PDGFRL: variants seen among roughly 807,000 people sequenced by gnomAD.
PDGFRL encodes the protein platelet derived growth factor receptor like, also known as platelet-derived growth factor receptor-like protein.
PDGFRL carries 46 observed loss-of-function variants against 37.2 expected under a neutral mutation model. The observed-to-expected ratio is 1.24, with a 90% CI of 0.98 to 1.58. PDGFRL has a LOEUF of 1.58. PDGFRL is among the 40% of genes most tolerant of loss of function. The pLI is 0.00. For synonymous variants in PDGFRL, 251 were observed against 184.3 expected (o/e 1.36, Z -2.93); for missense variants, 692 against 467.6 (o/e 1.48, Z -4.43).
At chr8:17,619,181 C>T (rs1411945366) in intron 2 of PDGFRL, among the ~76,000 whole-genome samples, 2 of 152,096 alleles carry the variant, frequency 1.3e-5, no homozygotes, top group African/African-American at 2.4e-5. Context: ...CTCAGAAGAG[C>T]GAAGCATTTG....
intron 2 of PDGFRL, among the ~76,000 whole-genome samples, chr8:17,617,363 C>T (rs1246643352): frequency 6.6e-6 from 1 of 152,182 alleles, no homozygotes; most frequent in South Asian, 2.1e-4. Context: ...TCCACTTAAA[C>T]TCCCCATTCG....
intron 4 of PDGFRL, 134 bp downstream of exon 4, chr8:17,628,914 T>G (rs1804797289): frequency 8.0e-6 from 5 of 627,828 alleles, no homozygotes; most frequent in Non-Finnish European, 2.8e-6. Context: ...GTTGTTGTTG[T>G]TTTTTTTTCT....
In PDGFRL at chr8:17,589,381, G is replaced by C. The variant is rs550251223; in HGVS notation, c.56-87G>C. ...AACCTGGGCAATAGAGTAAGAATCT[G>C]TCTCAAAAAAAAAAAAAAGTTATTG... On this transcript the variant is annotated intron_variant, in intron 1 of 5. Transcript: ENST00000251630. 54 of 845,766 alleles carry C rather than the reference G, an allele frequency of 6.4e-5. No individual in the cohort carries two copies. In the Admixed American group the frequency reaches 1.6e-3, roughly 25 times the overall value. 52.4% of individuals were successfully genotyped at this position (845,766 alleles called of 1,614,324 possible).
intron 2 of PDGFRL, among the ~76,000 whole-genome samples, chr8:17,604,469 G>A (rs998576166): frequency 3.3e-5 from 5 of 152,024 alleles, no homozygotes; most frequent in African/African-American, 1.2e-4. Flanking sequence ...ATCATTCTCA[G>A]CAAACTGTCG....
chr8:17,617,605 C>T (rs1289258162), intron 2 of PDGFRL, among the ~76,000 whole-genome samples: 1 of 152,192 alleles, frequency 6.6e-6, no homozygotes, highest in East Asian at 1.9e-4. Context: ...AATCCAGGCC[C>T]TGAAACTGTA....
chr8:17,577,388 A>G (rs1288735882), intron 1 of PDGFRL, 81 bp downstream of exon 1: 11 of 1,225,258 alleles, frequency 9.0e-6, no homozygotes, highest in South Asian at 5.1e-5. Flanking sequence ...CCCTCCTGCC[A>G]GCTCTTGGTC....
chr8:17,592,105 T>C (rs1159581773), intron 2 of PDGFRL, among the ~76,000 whole-genome samples: 1 of 152,160 alleles, frequency 6.6e-6, no homozygotes, highest in Non-Finnish European at 1.5e-5. Flanking sequence ...CCCCACACTC[T>C]CCACATCCCA....
intron 2 of PDGFRL, 73 bp downstream of exon 2, chr8:17,589,838 A>G: frequency 1.1e-6 from 1 of 874,004 alleles, no homozygotes; most frequent in East Asian, 2.4e-5. Context: ...CTTAACTATT[A>G]TTACACATTG....
At chr8:17,591,186 C>T (rs1410101493) in intron 2 of PDGFRL, among the ~76,000 whole-genome samples, 1 of 152,082 alleles carries the variant, frequency 6.6e-6, no homozygotes, top group Non-Finnish European at 1.5e-5. Flanking sequence ...CTGGCTGCTT[C>T]TGATTATTTT....
intron 3 of PDGFRL, among the ~76,000 whole-genome samples, chr8:17,621,867 C>G (rs1256047483): frequency 6.6e-6 from 1 of 152,112 alleles, no homozygotes; most frequent in East Asian, 1.9e-4. Flanking sequence ...GAAGTGAGGT[C>G]TCACTGTGTT....
chr8:17,584,560 C>A lies in PDGFRL; in HGVS notation c.56-4908C>A, dbSNP rs560457731. ...CCACAGACTGAAGAGTTGTCAGTGACACAGGAGGAAAACCAAGGCAGCACA... is the reference window on the plus strand; with the variant it reads ...CCACAGACTGAAGAGTTGTCAGTGAAACAGGAGGAAAACCAAGGCAGCACA... On this transcript the variant is annotated intron_variant, in intron 1 of 5. Transcript: ENST00000251630. Among the ~76,000 whole-genome samples, 4 of 152,052 alleles carry A rather than the reference C, an allele frequency of 2.6e-5. No homozygotes were observed. The South Asian group carries it at 8.3e-4, about 32-fold the overall frequency.
At chr8:17,639,432 T>G (rs1205125168) in intron 5 of PDGFRL, among the ~76,000 whole-genome samples, 3 of 152,192 alleles carry the variant, frequency 2.0e-5, no homozygotes, top group Admixed American at 6.5e-5. Flanking sequence ...TGTTTCAATA[T>G]TTAGTGCTCC....
At position 17,589,531 on chromosome 8, in the gene PDGFRL, C is replaced by A; in HGVS notation, c.119C>A (p.Pro40His). Residue 40 changes from proline to histidine, a missense_variant, in exon 2 of 6, where the codon CCT (proline) becomes CAT (histidine). Coordinates refer to ENST00000251630, the MANE Select transcript of PDGFRL (RefSeq NM_001372073.1). ...GAACCAGGAGAGAATAGAATCAAAC[C>A]TACCAACAAGAAGGTGAAGCCCAAA... is the stretch of plus-strand genomic sequence containing the variant. ...PKEPGENRIK[P>H]TNKKVKPKIP... 4 of 1,613,810 alleles carry A rather than the reference C, an allele frequency of 2.5e-6. No individual in the cohort carries two copies. Among genetic ancestry groups the A allele is most frequent in the Non-Finnish European group, 3.4e-6 (4 of 1,179,706 alleles).
At chr8:17,591,471 C>T (rs141577235) in intron 2 of PDGFRL, among the ~76,000 whole-genome samples, 76 of 152,290 alleles carry the variant, frequency 5.0e-4, no homozygotes, top group African/African-American at 1.7e-3. Flanking sequence ...TGCCAGTTCT[C>T]AGTTTCCTTA....
chr8:17,603,238 G>C (rs181139652), intron 2 of PDGFRL, among the ~76,000 whole-genome samples: 22 of 152,254 alleles, frequency 1.4e-4, no homozygotes, highest in African/African-American at 5.3e-4. Context: ...CCCACCACCT[G>C]GGCCTCGCTA....
In PDGFRL at chr8:17,589,678, G is replaced by T; in HGVS notation, c.266G>T (p.Gly89Val). Residue 89 changes from glycine to valine, a missense_variant, in exon 2 of 6, where the codon GGG becomes GTG. Coordinates refer to ENST00000251630, the MANE Select transcript of PDGFRL (RefSeq NM_001372073.1). ...KPAATLSLLA[G>V]QTVELRCKGS... ...GCCGCTACCCTGAGTCTGCTGGCGG[G>T]GCAAACTGTAGAGCTTCGATGTAAA... 1.9e-6 allele frequency: 3 copies of T among 1,613,512 alleles called. No homozygotes were observed. Among genetic ancestry groups the T allele is most frequent in the Non-Finnish European group, 2.5e-6 (3 of 1,179,492 alleles).
chr8:17,592,915 T>C lies in PDGFRL; in HGVS notation c.353+3150T>C, dbSNP rs2517149. On this transcript the variant is annotated intron_variant, in intron 2 of 5. Coordinates refer to ENST00000251630, the MANE Select transcript of PDGFRL (RefSeq NM_001372073.1). The stretch of plus-strand genomic sequence containing the variant: ...TTTGTCCTTCTTAAACCCACATACA[T>C]GCACACACACACACACACACACACA... Among the ~76,000 whole-genome samples, 18 of 3,178 alleles carry C rather than the reference T, an allele frequency of 5.7e-3. No homozygotes were observed. The Admixed American group carries it at 0.11, about 20-fold the overall frequency. 2.1% of individuals were successfully genotyped at this position (3,178 alleles called of 152,430 possible).
intron 4 of PDGFRL, among the ~76,000 whole-genome samples, chr8:17,632,340 C>G (rs978595516): frequency 6.9e-6 from 1 of 145,870 alleles, no homozygotes; most frequent in African/African-American, 2.6e-5. Flanking sequence ...CACACTGTAG[C>G]TGATTTTTTT....
intron 2 of PDGFRL, among the ~76,000 whole-genome samples, chr8:17,609,045 C>T (rs1410017291): frequency 6.6e-6 from 1 of 152,060 alleles, no homozygotes; most frequent in Non-Finnish European, 1.5e-5. Context: ...ATAGTGAGAC[C>T]CCATCTCTTA....
Sources: allele counts gnomAD v4.1 joint callset (sites outside exome capture counted in the v4.1 genomes callset), GRCh38; gene constraint gnomAD v4.1.1; transcripts MANE v1.5; gene names NCBI Gene and HGNC (gene_info 2026-07-23, HGNC 2026-07-21).